TTLL6: variants seen among roughly 807,000 people sequenced by gnomAD.
The protein encoded by TTLL6 is tubulin tyrosine ligase like 6.
In TTLL6, 75 loss-of-function variants were observed where a neutral mutation model predicts 96.4. That is an observed-to-expected ratio of 0.78 (90% CI 0.65 to 0.94). The LOEUF is 0.94. Ranked by LOEUF, TTLL6 falls within the 40% of genes least tolerant of loss-of-function variation. TTLL6 has a pLI of 0.00. For missense variants in TTLL6, 1,030 were observed against 1,093.0 expected (o/e 0.94, Z 0.81); for synonymous variants, 411 against 419.4 (o/e 0.98, Z 0.24).
intron 13 of TTLL6, among the ~76,000 whole-genome samples, chr17:48,777,875 C>T (rs2038908898): frequency 6.6e-6 from 1 of 152,096 alleles, no homozygotes; most frequent in African/African-American, 2.4e-5. Flanking sequence ...TGTGCTACCG[C>T]ACTCCAGCCT....
At position 48,794,377 on chromosome 17, in the gene TTLL6, T is replaced by C. The variant is rs1040696502; in HGVS notation, c.998+1684A>G. 9.9e-6 allele frequency: 15 copies of C among 1,513,630 alleles called. No homozygotes were observed. In the African/African-American group the frequency reaches 1.9e-4, roughly 20 times the overall value. The allele number at this position is 1,513,630 out of a possible 1,614,324, so 93.8% of individuals were successfully genotyped here. On this transcript the variant is annotated intron_variant, in intron 8 of 15. Coordinates refer to ENST00000393382, the MANE Select transcript of TTLL6 (RefSeq NM_001130918.3). ...CTGTCTGTGTTGCCATCACAAGTCA[T>C]TTGAACCTCACAGAGACCCTGTGAG...
Position 48,773,122 on chromosome 17 carries a change from A to C in TTLL6, c.2041-3025T>G, listed in dbSNP as rs369860625. On this transcript the variant is annotated intron_variant, in intron 13 of 15. Coordinates refer to ENST00000393382, the MANE Select transcript of TTLL6 (RefSeq NM_001130918.3). The stretch of plus-strand genomic sequence containing the variant: ...GACAAAACAGTCAGCGAGTTTGACT[A>C]TAGAGCAATAGAAATTATTCAATCT... Among the ~76,000 whole-genome samples, 23 of 75,728 alleles carry C rather than the reference A, an allele frequency of 3.0e-4. 1 individual carries two copies. The highest frequency in any genetic ancestry group is 1.4e-3 in the African/African-American group (23 of 16,690). The allele number at this position is 75,728 out of a possible 152,430, so 49.7% of individuals were successfully genotyped here. A position where few individuals can be genotyped will look rare whatever the true frequency, so the allele number is the denominator to read the frequency against.
intron 12 of TTLL6, among the ~76,000 whole-genome samples, 161 bp downstream of exon 12, chr17:48,786,003 T>C (rs1168241738): frequency 2.0e-5 from 3 of 152,298 alleles, no homozygotes; most frequent in East Asian, 3.9e-4. Flanking sequence ...GGCTCCTGTG[T>C]GCCTTCAGGG....
At chr17:48,797,305 G>T in intron 6 of TTLL6, 101 bp from the exon 7 acceptor site, 1 of 1,302,788 alleles carries the variant, frequency 7.7e-7, no homozygotes, top group Non-Finnish European at 1.0e-6. Flanking sequence ...CTCCAACATT[G>T]CCTAGTGTTG....
intron 13 of TTLL6, among the ~76,000 whole-genome samples, chr17:48,782,830 C>T (rs965824723): frequency 6.6e-6 from 1 of 152,090 alleles, no homozygotes; most frequent in African/African-American, 2.4e-5. Context: ...TCTTCCGCCT[C>T]AGCCTCCCAA....
At position 48,773,191 on chromosome 17, in the gene TTLL6, T is replaced by A. The variant is rs1275576540; in HGVS notation, c.2041-3094A>T. On this transcript the variant is annotated intron_variant, in intron 13 of 15. Coordinates refer to ENST00000393382, the MANE Select transcript of TTLL6 (RefSeq NM_001130918.3). ...AGATTAAAGAAAAGTAAATAGAACC[T>A]AAGAAGTCTGTGAGACAATATTCTG... 2.7e-5 allele frequency among the ~76,000 whole-genome samples: 3 copies of A among 112,878 alleles called. No individual in the cohort carries two copies. The Admixed American group carries it at 3.0e-4, about 11-fold the overall frequency. 74.1% of individuals were successfully genotyped at this position (112,878 alleles called of 152,430 possible).
intron 13 of TTLL6, among the ~76,000 whole-genome samples, chr17:48,777,653 C>A (rs908941081): frequency 6.6e-6 from 1 of 152,036 alleles, no homozygotes; most frequent in Non-Finnish European, 1.5e-5. Flanking sequence ...ATCACTTGAA[C>A]CTGGGAGGCA....
At chr17:48,791,710 C>A in intron 8 of TTLL6, 107 bp from the exon 9 acceptor site, 2 of 954,558 alleles carry the variant, frequency 2.1e-6, no homozygotes, top group Non-Finnish European at 1.6e-6. Flanking sequence ...GCTCCAGAGC[C>A]AGCGAGGATG....
chr17:48,766,468 T>A (rs2038608446), intron 15 of TTLL6, among the ~76,000 whole-genome samples: 2 of 152,234 alleles, frequency 1.3e-5, no homozygotes, highest in South Asian at 4.1e-4. Context: ...CATATAATGA[T>A]CTCTTCCCTT....
chr17:48,795,962 T>C, intron 8 of TTLL6, 99 bp downstream of exon 8: 2 of 965,160 alleles, frequency 2.1e-6, no homozygotes, highest in Admixed American at 2.3e-5. Flanking sequence ...TGACCCAAGA[T>C]GGAAACACTG....
intron 1 of TTLL6, among the ~76,000 whole-genome samples, chr17:48,813,241 C>A (rs1207407957): frequency 6.6e-6 from 1 of 152,144 alleles, no homozygotes; most frequent in Non-Finnish European, 1.5e-5. Flanking sequence ...CAAAAGCAAT[C>A]TTAGTGACTT....
chr17:48,773,950 T>C (rs2038803690), intron 13 of TTLL6, among the ~76,000 whole-genome samples: 1 of 150,196 alleles, frequency 6.7e-6, no homozygotes, highest in African/African-American at 2.4e-5. Flanking sequence ...GGCGTGGTGG[T>C]GCATGCCTGT....
At chr17:48,774,933 C>T (rs1227563454) in intron 13 of TTLL6, among the ~76,000 whole-genome samples, 3 of 151,890 alleles carry the variant, frequency 2.0e-5, no homozygotes, top group African/African-American at 7.3e-5. Flanking sequence ...AGGAGTTCGA[C>T]ACCAGCCTGG....
intron 7 of TTLL6, 28 bp downstream of exon 7, chr17:48,797,033 G>C: frequency 1.3e-6 from 2 of 1,545,504 alleles, no homozygotes. Context: ...ATGGGGGTAG[G>C]GTGAGGTAGT....
Position 48,784,352 on chromosome 17 carries a change from C to T in TTLL6, c.2040+571G>A, listed in dbSNP as rs139837283. On this transcript the variant is annotated intron_variant, in intron 13 of 15. Transcript: ENST00000393382. ...CATGGGAGGCAGAGGTTGCAGTGAG[C>T]GGAGATTGCACCACTGCACCCCAGC... Among the ~76,000 whole-genome samples, 74 of 151,968 alleles carry T rather than the reference C, an allele frequency of 4.9e-4. 2 individuals are homozygous for T. In the East Asian group the frequency reaches 0.014, roughly 28 times the overall value.
Position 48,805,043 on chromosome 17 carries a change from A to G in TTLL6, c.104-52T>C. ...GTTACAGAGATCCACCTGCAGGGGG[A>G]CCCCCTCCCTCGCTCATGTGGGTAG... On this transcript the variant is annotated intron_variant, in intron 1 of 15. Coordinates refer to ENST00000393382, the MANE Select transcript of TTLL6 (RefSeq NM_001130918.3). 5.7e-6 allele frequency: 8 copies of G among 1,410,878 alleles called. No individual in the cohort carries two copies. In the East Asian group the frequency reaches 2.0e-4, roughly 35 times the overall value. The allele number at this position is 1,410,878 out of a possible 1,614,324, so 87.4% of individuals were successfully genotyped here. A position where few individuals can be genotyped will look rare whatever the true frequency, so the allele number is the denominator to read the frequency against.
In TTLL6 at chr17:48,791,583, G is replaced by C. The variant is rs1475136406; in HGVS notation, c.1019C>G (p.Ala340Gly). ...GSKRKLSTFS[A>G]YLEDHSYNVE... ...GTTGTAGCTGTGGTCCTCCAAGTAT[G>C]CACTGAAGGTGGAGAGCTTCCTGGA... Residue 340 changes from alanine (A) to glycine (G), a missense_variant, in exon 9 of 16, where the codon GCA becomes GGA. Ala to Gly is a moderately conservative substitution (Grantham distance 60, BLOSUM62 0). Coordinates refer to ENST00000393382, the MANE Select transcript of TTLL6 (RefSeq NM_001130918.3). 5.0e-6 allele frequency: 8 copies of C among 1,612,444 alleles called. No individual in the cohort carries two copies. In the South Asian group the frequency reaches 7.7e-5, roughly 16 times the overall value.
intron 2 of TTLL6, 67 bp downstream of exon 2, chr17:48,804,705 C>T: frequency 7.5e-7 from 1 of 1,335,874 alleles, no homozygotes; most frequent in Non-Finnish European, 1.0e-6. Flanking sequence ...AGCCAAGACC[C>T]CCTTCCCTCC....
rs71369215 is a variant in TTLL6, at chr17:48,777,011, GACACACACACAC to G, written c.2041-6926_2041-6915del. On this transcript the variant is annotated intron_variant, in intron 13 of 15. Transcript: ENST00000393382. ...ACAATGTGGTATTGGCATAAGGATA[GACACACACACAC>G]ACACACACACACACACACACACACA... is the stretch of plus-strand genomic sequence containing the variant. 5.7e-5 allele frequency among the ~76,000 whole-genome samples: 8 copies of G among 141,496 alleles called. No individual in the cohort carries two copies. In the East Asian group the frequency reaches 1.2e-3, roughly 22 times the overall value. 92.8% of individuals were successfully genotyped at this position (141,496 alleles called of 152,430 possible).
Sources: gnomAD v4.1 joint callset for allele counts (sites outside exome capture counted in the v4.1 genomes callset) on GRCh38, gnomAD v4.1.1 for gene constraint, MANE v1.5 for transcripts, NCBI Gene and HGNC (gene_info 2026-07-23, HGNC 2026-07-21) for gene names.